The following TMC5 variants were observed in gnomAD, a reference collection of about 807,000 sequenced individuals.
TMC5 encodes the protein transmembrane channel-like protein 5.
A neutral mutation model predicts 110.5 loss-of-function variants in TMC5; 86 were observed. That is an observed-to-expected ratio of 0.78 (90% CI 0.65 to 0.93). TMC5 has a LOEUF of 0.93. TMC5 is among the 40% of genes least tolerant of loss of function. TMC5 has a pLI of 0.00. For synonymous variants in TMC5, 455 were observed against 439.5 expected, an observed-to-expected ratio of 1.04 and a Z score of -0.44; for missense variants, 1,144 against 1,222.8, an observed-to-expected ratio of 0.94 and a Z score of 0.96.
At chr16:19,483,715 T>A (rs1265217457) in intron 15 of TMC5, among the ~76,000 whole-genome samples, 3 of 150,528 alleles carry the variant, frequency 2.0e-5, no homozygotes, top group Non-Finnish European at 4.4e-5. Flanking sequence ...GAGGCAGAGG[T>A]TGCAGTGAGC....
At position 19,477,313 on chromosome 16, in the gene TMC5, C is replaced by T. The variant is rs1194391077; in HGVS notation, c.2091-127C>T. ...TCACAATTCATTCACTGGAACTAGC[C>T]ATGTGCCCCCCTCCAACCACAGGGG... is the stretch of plus-strand genomic sequence containing the variant. On this transcript the variant is annotated intron_variant, in intron 12 of 21. Coordinates refer to ENST00000542583, the MANE Select transcript of TMC5 (RefSeq NM_001261841.2). The T allele has an allele frequency of 1.3e-5, 9 of 701,164 alleles. No homozygotes were observed. In the East Asian group the frequency reaches 2.1e-4, roughly 16 times the overall value. 43.4% of individuals were successfully genotyped at this position (701,164 alleles called of 1,614,324 possible).
upstream of TMC5, among the ~76,000 whole-genome samples, chr16:19,416,715 G>T (rs935031755): frequency 4.6e-5 from 7 of 152,184 alleles, no homozygotes; most frequent in Non-Finnish European, 8.8e-5. Flanking sequence ...TTTGTTTCCA[G>T]AAGGGACATG....
intron 4 of TMC5, among the ~76,000 whole-genome samples, chr16:19,444,618 G>A (rs111971974): frequency 6.6e-6 from 1 of 152,142 alleles, no homozygotes; most frequent in Non-Finnish European, 1.5e-5. Flanking sequence ...ATGTTGATCT[G>A]TTCCAAAATA....
At chr16:19,438,040 G>A (rs948248999) in intron 2 of TMC5, among the ~76,000 whole-genome samples, 4 of 152,104 alleles carry the variant, frequency 2.6e-5, no homozygotes, top group Non-Finnish European at 2.9e-5. Context: ...GAATCACCTG[G>A]ACCAAGAGCG....
chr16:19,471,272 G>T (rs969305284), intron 10 of TMC5, among the ~76,000 whole-genome samples: 3 of 151,900 alleles, frequency 2.0e-5, no homozygotes, highest in Non-Finnish European at 2.9e-5. Flanking sequence ...TAAATTTTTT[G>T]TAGAGAGAGA....
chr16:19,434,244 ATC>A (rs1967273072), intron 2 of TMC5, among the ~76,000 whole-genome samples: 1 of 67,066 alleles, frequency 1.5e-5, no homozygotes, highest in Admixed American at 2.3e-4. Flanking sequence ...ATATATATCT[ATC>A]TAAAATATAT....
At chr16:19,488,616 C>T (rs1968809856) in intron 17 of TMC5, among the ~76,000 whole-genome samples, 1 of 152,088 alleles carries the variant, frequency 6.6e-6, no homozygotes, top group Non-Finnish European at 1.5e-5. Flanking sequence ...ACTCCCTTTG[C>T]TTGGCTGCCT....
chr16:19,486,888 C>G, intron 15 of TMC5, 57 bp from the exon 16 acceptor site: 1 of 1,485,534 alleles, frequency 6.7e-7, no homozygotes, highest in Admixed American at 1.7e-5. Context: ...ATCCCAGATT[C>G]ACCCCGACTC....
chr16:19,469,961 C>T (rs925629960), intron 10 of TMC5, 136 bp downstream of exon 10: 2 of 949,240 alleles, frequency 2.1e-6, no homozygotes, highest in Non-Finnish European at 3.0e-6. Context: ...GTGGCGCAAT[C>T]CCGGCTCACT....
intron 3 of TMC5, 36 bp from the exon 4 acceptor site, chr16:19,444,045 C>T: frequency 1.3e-6 from 2 of 1,595,278 alleles, no homozygotes; most frequent in Non-Finnish European, 1.7e-6. Flanking sequence ...TTACTATACT[C>T]TTGGTTGGAT....
At chr16:19,474,474 G>A (rs1567319724) in intron 12 of TMC5, among the ~76,000 whole-genome samples, 198 bp downstream of exon 12, 1 of 151,944 alleles carries the variant, frequency 6.6e-6, no homozygotes, top group Admixed American at 6.6e-5. Flanking sequence ...GATCACTTGA[G>A]ACCAGGAGTT....
chr16:19,479,848 C>T (rs1968572593), intron 14 of TMC5, among the ~76,000 whole-genome samples: 1 of 151,234 alleles, frequency 6.6e-6, no homozygotes, highest in South Asian at 2.1e-4. Flanking sequence ...AATCCCAACA[C>T]TTTGGGAGAC....
chr16:19,455,314 A>G (rs552231343), intron 5 of TMC5, among the ~76,000 whole-genome samples: 1 of 152,084 alleles, frequency 6.6e-6, no homozygotes, highest in African/African-American at 2.4e-5. Flanking sequence ...CAGGCTACTC[A>G]GGAGGCTGAG....
chr16:19,474,905 G>A (rs1221399289), intron 12 of TMC5: 1 of 152,260 alleles, frequency 6.6e-6, no homozygotes, highest in African/African-American at 2.4e-5. Context: ...CCTCAGGCGG[G>A]AGGAAGGGCC....
At position 19,490,585 on chromosome 16, in the gene TMC5, G is replaced by A. The variant is rs1968862329; in HGVS notation, c.2747+17G>A. 6.2e-7 allele frequency: 1 copy of A among 1,613,698 alleles called. No individual in the cohort carries two copies. The highest frequency in any genetic ancestry group is 1.3e-5 in the African/African-American group (1 of 74,880). ...CATTGTGCTGTGAGTGTGGTACCCG[G>A]GGAATCTAGCAGGGAAAGCCAGGAG... is the stretch of plus-strand genomic sequence containing the variant. On this transcript the variant is annotated intron_variant, in intron 18 of 21. Transcript: ENST00000542583.
At chr16:19,415,428 G>A (rs891267292), upstream of TMC5, among the ~76,000 whole-genome samples, 3 of 152,080 alleles carry the variant, frequency 2.0e-5, no homozygotes, top group African/African-American at 7.2e-5. Flanking sequence ...TTGCAGATGG[G>A]GTGGGGTTGG....
At chr16:19,456,796 T>A (rs1161470108) in intron 5 of TMC5, 1 of 1,614,128 alleles carries the variant, frequency 6.2e-7, no homozygotes, top group Non-Finnish European at 8.5e-7. Context: ...CAAATCAGAT[T>A]TTTCAAGAAA....
At chr16:19,439,704 T>A (rs891471491) in intron 2 of TMC5, among the ~76,000 whole-genome samples, 5 of 152,076 alleles carry the variant, frequency 3.3e-5, no homozygotes, top group Admixed American at 2.6e-4. Flanking sequence ...GGAAGCAAGA[T>A]GGAGAAAGGG....
intron 20 of TMC5, among the ~76,000 whole-genome samples, chr16:19,494,801 T>C (rs977629416): frequency 1.3e-4 from 19 of 151,574 alleles, no homozygotes; most frequent in Non-Finnish European, 1.8e-4. Context: ...AGTGGCACTC[T>C]GTCTCAAAAA....
Sources: gnomAD v4.1 joint callset for allele counts (sites outside exome capture counted in the v4.1 genomes callset) on GRCh38, gnomAD v4.1.1 for gene constraint, MANE v1.5 for transcripts, NCBI Gene and HGNC (gene_info 2026-07-23, HGNC 2026-07-21) for gene names.